Variants in ZMYM2 observed in about 807,000 individuals in gnomAD.
The protein encoded by ZMYM2 is zinc finger MYM-type containing 2, also known as zinc finger MYM-type protein 2.
In ZMYM2, 56 loss-of-function variants were observed where a neutral mutation model predicts 162.8. The observed-to-expected ratio is 0.34, with a 90% confidence interval of 0.28 to 0.43. The LOEUF is 0.43. ZMYM2 is among the 20% of genes least tolerant of loss of function. The pLI is 1.00. For synonymous variants in ZMYM2, 510 were observed against 541.6 expected (o/e 0.94, Z 0.81); for missense variants, 1,275 against 1,621.8 (o/e 0.79, Z 3.67).
At chr13:19,994,881 G>T (rs1249178791) in intron 3 of ZMYM2, among the ~76,000 whole-genome samples, 2 of 151,908 alleles carry the variant, frequency 1.3e-5, no homozygotes, top group East Asian at 3.9e-4. Flanking sequence ...CGCCCAGAGT[G>T]GAGTAGAGTG....
At chr13:19,907,812 C>T in the ZMYM2 span, among the ~76,000 whole-genome samples, 2 of 120,398 alleles carry the variant, frequency 1.7e-5, no homozygotes, top group Non-Finnish European at 1.8e-5. Flanking sequence ...AGACTTTATA[C>T]GAAAAGAGAA....
intron 2 of ZMYM2, among the ~76,000 whole-genome samples, chr13:19,975,605 G>A (rs577359547): frequency 1.1e-4 from 17 of 152,112 alleles, no homozygotes; most frequent in Non-Finnish European, 1.6e-4. Context: ...CCTTTTGGCC[G>A]TTGTGAAAAT....
At chr13:19,903,966 G>A in the ZMYM2 span, among the ~76,000 whole-genome samples, 37 of 152,092 alleles carry the variant, frequency 2.4e-4, no homozygotes, top group Non-Finnish European at 1.6e-4. Context: ...CTTTGTATGT[G>A]AGTCTTACCT....
Position 20,062,749 on chromosome 13 carries a change from G to A in ZMYM2, c.2912-97G>A, listed in dbSNP as rs1956323706. ...GACATTATACGTATTTTTTTATATT[G>A]CATTTAAAATTAAATGACTTGCTTT... On this transcript the variant is annotated intron_variant, in intron 17 of 24. Transcript: ENST00000610343. 3 of 1,184,976 alleles carry A rather than the reference G, an allele frequency of 2.5e-6. No homozygotes were observed. The South Asian group carries it at 6.2e-5, about 24-fold the overall frequency. The allele number at this position is 1,184,976 out of a possible 1,614,324, so 73.4% of individuals were successfully genotyped here.
the ZMYM2 span, among the ~76,000 whole-genome samples, chr13:19,903,483 C>CAAAAAAAA: frequency 0.047 from 3,966 of 83,720 alleles, no homozygotes; most frequent in Non-Finnish European, 0.065. Context: ...ACTAAAAATA[C>CAAAAAAAA]AAAAAAAAAA....
intron 2 of ZMYM2, among the ~76,000 whole-genome samples, chr13:19,986,740 A>G (rs776595664): frequency 2.7e-4 from 41 of 152,140 alleles, no homozygotes; most frequent in Non-Finnish European, 6.0e-4. Context: ...TTATGGACCA[A>G]ATATTCATGT....
At chr13:19,992,118 G>A (rs1190888213) in intron 2 of ZMYM2, among the ~76,000 whole-genome samples, 1 of 152,118 alleles carries the variant, frequency 6.6e-6, no homozygotes, top group Non-Finnish European at 1.5e-5. Flanking sequence ...GCCTGCTACT[G>A]GGATATAAAG....
In ZMYM2 at chr13:20,087,624, CATT is replaced by C. The variant is rs1433256503; in HGVS notation, c.*1614_*1616del. The C allele has an allele frequency of 5.4e-6, 1 of 184,382 alleles. No individual in the cohort carries two copies. The highest frequency in any genetic ancestry group is 8.8e-5 in the East Asian group (1 of 11,350). 11.4% of individuals were successfully genotyped at this position (184,382 alleles called of 1,614,324 possible). On this transcript the variant is annotated 3_prime_UTR_variant, in exon 25 of 25. Transcript: ENST00000610343. ...CTGATTTGGAAAATTTCACAGGTGT[CATT>C]ATTGTATATCTAAGCAATAATTATC...
At chr13:20,004,261 T>G (rs1277438442) in intron 4 of ZMYM2, among the ~76,000 whole-genome samples, 1 of 151,886 alleles carries the variant, frequency 6.6e-6, no homozygotes, top group African/African-American at 2.4e-5. Context: ...TTGTTTTGTT[T>G]TGTTTTTTTT....
At chr13:20,031,647 A>G (rs903844700) in intron 10 of ZMYM2, among the ~76,000 whole-genome samples, 10 of 152,112 alleles carry the variant, frequency 6.6e-5, no homozygotes, top group African/African-American at 2.4e-4. Flanking sequence ...TACTGAAGTC[A>G]TATTCCTGAT....
chr13:20,046,581 ATGTG>A (rs1249162923), intron 12 of ZMYM2, among the ~76,000 whole-genome samples: 193 of 117,490 alleles, frequency 1.6e-3, no homozygotes, highest in African/African-American at 2.4e-3. Flanking sequence ...ATATATATAT[ATGTG>A]TGTGTGTGTG....
intron 2 of ZMYM2, among the ~76,000 whole-genome samples, chr13:19,983,564 A>G (rs1029912469): frequency 2.6e-5 from 4 of 151,980 alleles, no homozygotes; most frequent in Admixed American, 2.0e-4. Flanking sequence ...CTTTAATGAT[A>G]ATGCTTTTAA....
chr13:20,082,225 A>G (rs1302154110), intron 22 of ZMYM2, 95 bp downstream of exon 22: 1 of 918,070 alleles, frequency 1.1e-6, no homozygotes, highest in Admixed American at 3.3e-5. Context: ...AGTCACTTAA[A>G]TTAGATAACA....
chr13:19,993,767 T>G lies in ZMYM2; in HGVS notation c.695T>G (p.Leu232Arg), dbSNP rs61762995. The G allele has an allele frequency of 6.2e-7, 1 of 1,614,076 alleles. No individual in the cohort carries two copies. Among genetic ancestry groups the G allele is most frequent in the African/African-American group, 1.3e-5 (1 of 74,944 alleles). The part of the protein sequence containing the change: ...NTNLGDVSNG[L>R]QSSNFGVNIQ... ...AACTTGGGAGATGTCTCTAACGGAC[T>G]GCAGTCAAGTAATTTTGGTGTTAAT... Residue 232 changes from leucine to arginine, a missense_variant, in exon 3 of 25, where the codon CTG (leucine) becomes CGG (arginine). Leu to Arg is a moderately radical substitution (Grantham distance 102). This residue lies in a region of ZMYM2 where 295 missense variants were observed against 286.7 expected (regional missense o/e 1.03). Coordinates refer to ENST00000610343, the MANE Select transcript of ZMYM2 (RefSeq NM_197968.4).
intron 4 of ZMYM2, among the ~76,000 whole-genome samples, chr13:20,003,452 T>G (rs927116492): frequency 1.3e-5 from 2 of 152,218 alleles, no homozygotes; most frequent in African/African-American, 2.4e-5. Context: ...GTGTTAAAAT[T>G]GGTTAAATTT....
At chr13:19,876,846 GA>G in the ZMYM2 span, among the ~76,000 whole-genome samples, 1 of 152,120 alleles carries the variant, frequency 6.6e-6, no homozygotes. Flanking sequence ...CTGTATGTAT[GA>G]ATTTGACTGC....
intron 21 of ZMYM2, among the ~76,000 whole-genome samples, chr13:20,072,554 AAG>A (rs2140944003): frequency 6.6e-6 from 1 of 152,254 alleles, no homozygotes; most frequent in South Asian, 2.1e-4. Context: ...ATTTTTAAAA[AAG>A]AGTTGGGAAA....
chr13:20,048,941 T>C (rs766016786), intron 12 of ZMYM2, among the ~76,000 whole-genome samples: 1 of 151,918 alleles, frequency 6.6e-6, no homozygotes, highest in Non-Finnish European at 1.5e-5. Context: ...TATGATGTCT[T>C]AATAGTTCTT....
chr13:20,001,766 C>T lies in ZMYM2; in HGVS notation c.848-1084C>T, dbSNP rs185081651. ...GGCAGCCACCATCGTGATCAGTCAG[C>T]AGCTATCAGCATTGAGGCAGGGCCC... On this transcript the variant is annotated intron_variant, in intron 3 of 24. Coordinates refer to ENST00000610343, the MANE Select transcript of ZMYM2 (RefSeq NM_197968.4). 1.6e-3 allele frequency among the ~76,000 whole-genome samples: 240 copies of T among 152,322 alleles called. 1 individual carries two copies. Among genetic ancestry groups the T allele is most frequent in the African/African-American group, 5.7e-3 (238 of 41,578 alleles).
Sources: allele counts gnomAD v4.1 joint callset (sites outside exome capture counted in the v4.1 genomes callset), GRCh38; gene constraint gnomAD v4.1.1; regional missense constraint gnomAD v4.1.1; transcripts MANE v1.5; gene names NCBI Gene and HGNC (gene_info 2026-07-23, HGNC 2026-07-21).